CDH13: variants seen among roughly 807,000 people sequenced by gnomAD.
CDH13 encodes cadherin 13.
In CDH13, 24 loss-of-function variants were observed where a neutral mutation model predicts 63.8. The observed-to-expected ratio is 0.38, with a 90% CI of 0.27 to 0.53. The LOEUF (loss-of-function observed/expected upper bound fraction) is 0.53. Ranked by LOEUF, CDH13 falls within the 20% of genes least tolerant of loss-of-function variation. The pLI is 0.85. For missense variants in CDH13, 1,049 were observed against 903.1 expected, an observed-to-expected ratio of 1.16 and a Z score of -2.07; for synonymous variants, 503 against 355.3, an observed-to-expected ratio of 1.42 and a Z score of -4.67.
intron 3 of CDH13, among the ~76,000 whole-genome samples, chr16:83,117,664 T>C (rs1207837726): frequency 6.6e-6 from 1 of 152,070 alleles, no homozygotes; most frequent in Non-Finnish European, 1.5e-5. Context: ...TTTGAAGAAA[T>C]GAATGAAAGA....
chr16:83,385,291 T>TATG (rs1325006408), intron 6 of CDH13, among the ~76,000 whole-genome samples: 1 of 152,226 alleles, frequency 6.6e-6, no homozygotes, highest in African/African-American at 2.4e-5. Context: ...TAAGAAACTG[T>TATG]ATGCCTCATT....
intron 4 of CDH13, among the ~76,000 whole-genome samples, chr16:83,203,410 G>C (rs901230768): frequency 6.6e-6 from 1 of 151,994 alleles, no homozygotes; most frequent in African/African-American, 2.4e-5. Flanking sequence ...AATAAGGCCA[G>C]GTGTGGTGGC....
At chr16:82,935,050 G>C (rs149412427) in intron 2 of CDH13, among the ~76,000 whole-genome samples, 49 of 152,232 alleles carry the variant, frequency 3.2e-4, no homozygotes, top group African/African-American at 1.1e-3. Flanking sequence ...TGCTTTATTA[G>C]TCTATTCTCA....
intron 1 of CDH13, among the ~76,000 whole-genome samples, chr16:82,770,661 G>A (rs1462047): frequency 0.91 from 138,728 of 152,210 alleles, 63,675 homozygotes; most frequent in East Asian, 1. Context: ...TCTTCCATTT[G>A]GAGATACATA....
chr16:82,705,500 T>C (rs1432616285), intron 1 of CDH13, among the ~76,000 whole-genome samples: 1 of 152,164 alleles, frequency 6.6e-6, no homozygotes, highest in East Asian at 1.9e-4. Context: ...CAACTACTTT[T>C]TGATTGTGAA....
chr16:82,986,034 C>G (rs1312974496), intron 2 of CDH13, among the ~76,000 whole-genome samples: 3 of 152,142 alleles, frequency 2.0e-5, no homozygotes, highest in Non-Finnish European at 4.4e-5. Flanking sequence ...CCAATTACAC[C>G]TTTCTTCTTT....
intron 4 of CDH13, among the ~76,000 whole-genome samples, chr16:83,169,678 G>T (rs2037840361): frequency 6.6e-6 from 1 of 151,844 alleles, no homozygotes; most frequent in African/African-American, 2.4e-5. Flanking sequence ...TACTTATTGT[G>T]GATATTAATC....
At chr16:83,476,368 G>C (rs532549355) in intron 6 of CDH13, among the ~76,000 whole-genome samples, 2 of 152,294 alleles carry the variant, frequency 1.3e-5, no homozygotes, top group East Asian at 3.9e-4. Context: ...GACTAGGCTT[G>C]CCATTTAAAA....
At chr16:82,925,175 T>A (rs2042266771) in intron 2 of CDH13, among the ~76,000 whole-genome samples, 1 of 152,152 alleles carries the variant, frequency 6.6e-6, no homozygotes. Flanking sequence ...AGGGGCTGCC[T>A]CCTTTAGCTC....
intron 1 of CDH13, among the ~76,000 whole-genome samples, chr16:82,785,112 A>T (rs551267820): frequency 6.6e-6 from 1 of 152,048 alleles, no homozygotes; most frequent in Non-Finnish European, 1.5e-5. Flanking sequence ...GAGGGAGGGT[A>T]CTGCAGTCTT....
intron 7 of CDH13, among the ~76,000 whole-genome samples, chr16:83,589,604 C>A (rs1289944210): frequency 2.0e-5 from 3 of 151,880 alleles, no homozygotes; most frequent in Non-Finnish European, 4.4e-5. Flanking sequence ...TTTCTGTGTG[C>A]CATAGAAGAT....
At chr16:82,973,507 C>G (rs1470625468) in intron 2 of CDH13, among the ~76,000 whole-genome samples, 1 of 152,156 alleles carries the variant, frequency 6.6e-6, no homozygotes. Context: ...TTGTGCTGCT[C>G]TTGAAAGATA....
chr16:83,032,373 GA>G (rs1237362633), intron 3 of CDH13, 155 bp downstream of exon 3: 10 of 616,004 alleles, frequency 1.6e-5, no homozygotes, highest in African/African-American at 7.4e-5. Flanking sequence ...AAATGTAGAT[GA>G]GGGGCAGCGG....
intron 3 of CDH13, among the ~76,000 whole-genome samples, chr16:83,039,087 A>G (rs188976208): frequency 6.6e-6 from 1 of 152,194 alleles, no homozygotes; most frequent in South Asian, 2.1e-4. Flanking sequence ...GTCCTTATGA[A>G]CAAAGCAAAA....
rs34156503 is a variant in CDH13, at chr16:83,672,409, CTTTTTTTTTTTTTTTT to C, written c.1284+1456_1284+1471del. ...AGAGTGAGGCAGCTCTCTGGATTCTCTTTTTTTTTTTTTTTTTTTTTTTTTTTTTTTTTTGAGACAG... is the reference window on the plus strand; with the variant it reads ...AGAGTGAGGCAGCTCTCTGGATTCTCTTTTTTTTTTTTTTTTTTGAGACAG... On this transcript the variant is annotated intron_variant, in intron 9 of 13. Transcript: ENST00000567109. Among the ~76,000 whole-genome samples the C allele has an allele frequency of 1.5e-3, 52 of 35,152 alleles. 1 individual carries two copies. Among genetic ancestry groups the C allele is most frequent in the South Asian group, 0.011 (7 of 632 alleles). The allele number at this position is 35,152 out of a possible 152,430, so 23.1% of individuals were successfully genotyped here. A position where few individuals can be genotyped will look rare whatever the true frequency, so the allele number is the denominator to read the frequency against.
chr16:83,447,099 T>C (rs1455875528), intron 6 of CDH13, among the ~76,000 whole-genome samples: 1 of 85,338 alleles, frequency 1.2e-5, no homozygotes, highest in Non-Finnish European at 2.1e-5. Flanking sequence ...TAGTAACCTT[T>C]TTTTTTTTTT....
intron 1 of CDH13, among the ~76,000 whole-genome samples, chr16:82,822,407 G>C (rs2038043980): frequency 1.3e-5 from 2 of 152,104 alleles, no homozygotes; most frequent in Non-Finnish European, 2.9e-5. Context: ...GCCTGTCTTT[G>C]AGGGGATGCA....
intron 5 of CDH13, among the ~76,000 whole-genome samples, chr16:83,248,019 T>G (rs901607726): frequency 1.3e-5 from 2 of 151,698 alleles, no homozygotes; most frequent in African/African-American, 4.8e-5. Flanking sequence ...AAGGCGAGAG[T>G]GAGAAGGCAA....
At chr16:83,391,882 G>C (rs553178702) in intron 6 of CDH13, among the ~76,000 whole-genome samples, 1 of 152,178 alleles carries the variant, frequency 6.6e-6, no homozygotes, top group African/African-American at 2.4e-5. Context: ...TGGGGTTTGA[G>C]TGTAAAATCG....
Sources: allele counts gnomAD v4.1 joint callset (sites outside exome capture counted in the v4.1 genomes callset), GRCh38; gene constraint gnomAD v4.1.1; transcripts MANE v1.5; gene names NCBI Gene and HGNC (gene_info 2026-07-23, HGNC 2026-07-21).